The following SLC30A9 variants were observed in gnomAD, a reference collection of about 807,000 sequenced individuals.
The protein encoded by SLC30A9 is proton-coupled zinc antiporter SLC30A9, mitochondrial.
Under a neutral mutation model 87.5 loss-of-function variants are expected in SLC30A9, and 58 were observed. The ratio of observed to expected loss-of-function variants is 0.66; its 90% CI spans 0.54 to 0.82. The LOEUF (loss-of-function observed/expected upper bound fraction) is 0.82. Ranked by LOEUF, SLC30A9 falls within the 40% of genes least tolerant of loss-of-function variation. The pLI, the probability that SLC30A9 is intolerant of heterozygous loss-of-function variation, is 0.00. For missense variants in SLC30A9, 557 were observed against 679.1 expected (o/e 0.82, Z 2.00); for synonymous variants, 234 against 233.0 (o/e 1.00, Z -0.04).
Position 42,039,031 on chromosome 4 carries a change from G to A in SLC30A9, c.715G>A (p.Val239Met). The change falls in exon 8 of 18, where the codon GTG becomes ATG. Residue 239 changes from valine (V) to methionine (M), a missense_variant. Coordinates refer to ENST00000264451, the MANE Select transcript of SLC30A9 (RefSeq NM_006345.4). ...ASVFFKGPGK[V>M]VMVAICINGL... is the part of the protein sequence containing the mutation. ...AGTGTTTTTTAAGGGACCAGGAAAA[G>A]TGGTGATGGTTGCAATTTGCATGTA... The A allele has an allele frequency of 6.2e-7, 1 of 1,613,452 alleles. No homozygotes were observed. The highest frequency in any genetic ancestry group is 8.5e-7 in the Non-Finnish European group (1 of 1,179,492).
rs1457412288 is a variant in SLC30A9, at chr4:41,990,622, T to C, written c.-30T>C. 1 of 1,395,326 alleles carries C rather than the reference T, an allele frequency of 7.2e-7. No individual in the cohort carries two copies. Among genetic ancestry groups the C allele is most frequent in the Non-Finnish European group, 1.0e-6 (1 of 995,726 alleles). 86.4% of individuals were successfully genotyped at this position (1,395,326 alleles called of 1,614,324 possible). On this transcript the variant is annotated 5_prime_UTR_variant, in exon 1 of 18. Transcript: ENST00000264451. ...GTGGCGGCGCGGAGGCAGAAGGCGG[T>C]GTCCGAGTAGGGGCCTCTGCCCCAC...
At chr4:42,004,258 G>A (rs142559828) in intron 2 of SLC30A9, among the ~76,000 whole-genome samples, 6 of 152,040 alleles carry the variant, frequency 3.9e-5, no homozygotes, top group Admixed American at 3.9e-4. Context: ...CTTTTTCTTT[G>A]GTATAAATGG....
intron 9 of SLC30A9, among the ~76,000 whole-genome samples, chr4:42,058,100 C>CAAA (rs35993518): frequency 9.1e-6 from 1 of 109,752 alleles, no homozygotes; most frequent in Non-Finnish European, 1.9e-5. Context: ...GACTTTGTCT[C>CAAA]AAAAAAAAAA....
Position 42,086,910 on chromosome 4 carries a change from A to C in SLC30A9, c.*784A>C, listed in dbSNP as rs1718941835. 6.6e-6 allele frequency: 1 copy of C among 152,362 alleles called. No homozygotes were observed. The highest frequency in any genetic ancestry group is 6.5e-5 in the Admixed American group (1 of 15,296). The allele number at this position is 152,362 out of a possible 1,614,324, so 9.4% of individuals were successfully genotyped here. On this transcript the variant is annotated 3_prime_UTR_variant, in exon 18 of 18. Coordinates refer to ENST00000264451, the MANE Select transcript of SLC30A9 (RefSeq NM_006345.4). ...GATGACTTTTTTTTAAATGAGGTTC[A>C]GTACCATAATGTTTATTTACTGGAA...
At chr4:42,048,105 A>G (rs1258362843) in intron 8 of SLC30A9, among the ~76,000 whole-genome samples, 1 of 152,178 alleles carries the variant, frequency 6.6e-6, no homozygotes, top group Non-Finnish European at 1.5e-5. Context: ...GAGGGATAGC[A>G]TTAGGAGAAA....
intron 6 of SLC30A9, among the ~76,000 whole-genome samples, chr4:42,028,564 T>C (rs1359622363): frequency 6.6e-6 from 1 of 152,248 alleles, no homozygotes; most frequent in Non-Finnish European, 1.5e-5. Context: ...ATAAAGTTTG[T>C]GAAAACATAA....
intron 6 of SLC30A9, among the ~76,000 whole-genome samples, chr4:42,031,931 C>CT (rs938959772): frequency 2.6e-5 from 4 of 152,100 alleles, no homozygotes; most frequent in African/African-American, 7.2e-5. Flanking sequence ...ATACCTGAGA[C>CT]TGGGTGATTT....
rs79760226 is a variant in SLC30A9, at chr4:41,999,579, A to G, written c.110-2037A>G. Reference sequence around the variant, plus strand: ...TATAGAACATACAGAAGAATGGGCTAAACAATACCATAGGAATTCAGTCAG... The same window carrying G: ...TATAGAACATACAGAAGAATGGGCTGAACAATACCATAGGAATTCAGTCAG... On this transcript the variant is annotated intron_variant, in intron 1 of 17. Coordinates refer to ENST00000264451, the MANE Select transcript of SLC30A9 (RefSeq NM_006345.4). Among the ~76,000 whole-genome samples the G allele has an allele frequency of 8.4e-3, 1,286 of 152,272 alleles. 18 individuals are homozygous for G. The highest frequency in any genetic ancestry group is 0.027 in the African/African-American group (1,108 of 41,552).
At chr4:42,078,580 CT>C in intron 17 of SLC30A9, 1 of 229,986 alleles carries the variant, frequency 4.3e-6, no homozygotes, top group East Asian at 8.9e-5. Context: ...TGCTTAGTTT[CT>C]AAAATAGTCA....
chr4:42,057,115 G>GT (rs1717653919), intron 9 of SLC30A9, among the ~76,000 whole-genome samples: 1 of 152,228 alleles, frequency 6.6e-6, no homozygotes, highest in African/African-American at 2.4e-5. Context: ...CTGGCATTGA[G>GT]TGTCTGTGGC....
intron 2 of SLC30A9, among the ~76,000 whole-genome samples, chr4:42,011,376 A>G (rs1280154602): frequency 6.6e-6 from 1 of 152,152 alleles, no homozygotes; most frequent in East Asian, 1.9e-4. Flanking sequence ...GATTATGGGG[A>G]TTATAATTCA....
chr4:42,003,625 T>C (rs1715075325), intron 2 of SLC30A9, among the ~76,000 whole-genome samples: 1 of 152,184 alleles, frequency 6.6e-6, no homozygotes, highest in African/African-American at 2.4e-5. Flanking sequence ...AACTTAATTT[T>C]GTCTTAATAT....
At chr4:42,002,745 A>G (rs945158877) in intron 2 of SLC30A9, among the ~76,000 whole-genome samples, 1 of 152,130 alleles carries the variant, frequency 6.6e-6, no homozygotes, top group African/African-American at 2.4e-5. Flanking sequence ...ATATGAGTGC[A>G]TGTGTCTTTT....
At chr4:42,069,580 A>C (rs1178785477) in intron 14 of SLC30A9, among the ~76,000 whole-genome samples, 1 of 152,176 alleles carries the variant, frequency 6.6e-6, no homozygotes, top group Admixed American at 6.5e-5. Flanking sequence ...AGCTTAGCAA[A>C]ATATATGTTT....
Position 42,088,275 on chromosome 4 carries a change from T to C in SLC30A9, c.*2149T>C, listed in dbSNP as rs556149985. The C allele has an allele frequency of 6.6e-6, 1 of 152,302 alleles. No individual in the cohort carries two copies. Among genetic ancestry groups the C allele is most frequent in the African/African-American group, 2.4e-5 (1 of 41,558 alleles). The allele number at this position is 152,302 out of a possible 1,614,324, so 9.4% of individuals were successfully genotyped here. On this transcript the variant is annotated 3_prime_UTR_variant, in exon 18 of 18. Transcript: ENST00000264451. The stretch of plus-strand genomic sequence containing the variant: ...ATCAGAGAATTTGGGCTGGATATGG[T>C]GGCTTATGCCTGTAATCCCAGCACT...
chr4:42,084,258 T>TCAG (rs1349044855), intron 17 of SLC30A9, among the ~76,000 whole-genome samples: 1 of 152,162 alleles, frequency 6.6e-6, no homozygotes, highest in Non-Finnish European at 1.5e-5. Context: ...TTTAATACTT[T>TCAG]TAGTATGTCT....
intron 9 of SLC30A9, among the ~76,000 whole-genome samples, chr4:42,051,650 G>A (rs184520072): frequency 4.6e-5 from 7 of 152,210 alleles, no homozygotes; most frequent in African/African-American, 1.7e-4. Context: ...GACACTGCAG[G>A]TAAAACAGTC....
chr4:42,007,041 G>A (rs530527336), intron 2 of SLC30A9, among the ~76,000 whole-genome samples: 3 of 152,198 alleles, frequency 2.0e-5, no homozygotes, highest in Admixed American at 1.3e-4. Flanking sequence ...TCAGATTTAA[G>A]GTTTTAGAAA....
chr4:42,052,426 C>T (rs148072739), intron 9 of SLC30A9, among the ~76,000 whole-genome samples: 2 of 152,130 alleles, frequency 1.3e-5, no homozygotes, highest in Non-Finnish European at 2.9e-5. Context: ...AAAATTCATA[C>T]GGACATGCAA....
Sources: allele counts gnomAD v4.1 joint callset (sites outside exome capture counted in the v4.1 genomes callset), GRCh38; gene constraint gnomAD v4.1.1; transcripts MANE v1.5; gene names NCBI Gene and HGNC (gene_info 2026-07-23, HGNC 2026-07-21).